ST18: variants seen among roughly 807,000 people sequenced by gnomAD.
The protein encoded by ST18 is ST18 C2H2C-type zinc finger transcription factor.
Under a neutral mutation model 110.0 loss-of-function variants are expected in ST18, and 50 were observed. The observed-to-expected ratio is 0.45, with a 90% CI of 0.36 to 0.58. The LOEUF (loss-of-function observed/expected upper bound fraction) is 0.58, where lower values mean the gene tolerates loss of function less well. Among genes scored for constraint, ST18 ranks in the 20% least tolerant of loss-of-function variants. The probability of loss-of-function intolerance (pLI) is 0.00; values close to 1 mark genes in which losing one functional copy is unlikely to be tolerated. For synonymous variants in ST18, 461 were observed against 452.4 expected (o/e 1.02, Z -0.24); for missense variants, 1,306 against 1,280.1 (o/e 1.02, Z -0.31).
At position 52,344,259 on chromosome 8, in the gene ST18, C is replaced by T. The variant is rs369539573; in HGVS notation, c.-465+65069G>A. 4.3e-5 allele frequency among the ~76,000 whole-genome samples: 6 copies of T among 139,470 alleles called. No individual in the cohort carries two copies. In the South Asian group the frequency reaches 1.4e-3, roughly 33 times the overall value. 91.5% of individuals were successfully genotyped at this position (139,470 alleles called of 152,430 possible). On this transcript the variant is annotated intron_variant, in intron 2 of 25. Transcript: ENST00000689386. ...TATTATAAAAGAAGCCTTATTTTTT[C>T]AAAACTAATACAATGTGTGTATTAG... is the stretch of plus-strand genomic sequence containing the variant.
intron 2 of ST18, among the ~76,000 whole-genome samples, chr8:52,251,415 C>G (rs1263900419): frequency 6.6e-6 from 1 of 152,044 alleles, no homozygotes; most frequent in African/African-American, 2.4e-5. Flanking sequence ...CACACTGCCT[C>G]CCATATACAC....
chr8:52,189,794 T>C (rs2073855986), intron 8 of ST18, among the ~76,000 whole-genome samples: 1 of 152,168 alleles, frequency 6.6e-6, no homozygotes, highest in Non-Finnish European at 1.5e-5. Flanking sequence ...AGATCACAAA[T>C]GAAAACCTGT....
chr8:52,362,147 G>A (rs1020567500), intron 2 of ST18, among the ~76,000 whole-genome samples: 2 of 152,128 alleles, frequency 1.3e-5, no homozygotes, highest in African/African-American at 4.8e-5. Flanking sequence ...AGTCAATTCA[G>A]GTTAACCAAC....
intron 2 of ST18, among the ~76,000 whole-genome samples, chr8:52,333,867 G>C (rs1388172345): frequency 1.3e-5 from 2 of 152,124 alleles, no homozygotes; most frequent in African/African-American, 4.8e-5. Context: ...CAAGTTTATT[G>C]CTTTTATCAG....
chr8:52,174,724 T>C (rs2066236263), intron 9 of ST18, among the ~76,000 whole-genome samples: 1 of 152,190 alleles, frequency 6.6e-6, no homozygotes, highest in Non-Finnish European at 1.5e-5. Flanking sequence ...AAGAAAATAT[T>C]TATTAATTAT....
At chr8:52,220,025 C>T (rs2086026663) in intron 5 of ST18, among the ~76,000 whole-genome samples, 1 of 152,196 alleles carries the variant, frequency 6.6e-6, no homozygotes, top group Non-Finnish European at 1.5e-5. Context: ...TTCTATTAGT[C>T]ACTGTACCAC....
chr8:52,366,583 G>A (rs1350896973), intron 2 of ST18, among the ~76,000 whole-genome samples: 4 of 152,146 alleles, frequency 2.6e-5, no homozygotes, highest in Admixed American at 2.0e-4. Flanking sequence ...CACACAATGA[G>A]AGTTCACAGG....
At chr8:52,183,961 A>C (rs2070953737) in intron 8 of ST18, among the ~76,000 whole-genome samples, 1 of 152,212 alleles carries the variant, frequency 6.6e-6, no homozygotes, top group African/African-American at 2.4e-5. Flanking sequence ...AAGGCTTTAT[A>C]ATAAATATTA....
chr8:52,147,181 T>TTG (rs1231274772), intron 16 of ST18, among the ~76,000 whole-genome samples: 1 of 152,198 alleles, frequency 6.6e-6, no homozygotes, highest in Non-Finnish European at 1.5e-5. Context: ...GAATCCCATC[T>TTG]TGTGTGTGTG....
intron 23 of ST18, among the ~76,000 whole-genome samples, chr8:52,121,763 T>A (rs1193947645): frequency 6.6e-6 from 1 of 152,210 alleles, no homozygotes; most frequent in Non-Finnish European, 1.5e-5. Context: ...GCCCTGATGT[T>A]TACAGACATA....
intron 2 of ST18, among the ~76,000 whole-genome samples, chr8:52,265,970 G>C (rs919267715): frequency 6.6e-6 from 1 of 152,172 alleles, no homozygotes; most frequent in African/African-American, 2.4e-5. Flanking sequence ...AGGAGAGGAG[G>C]CTGAGCAGAA....
chr8:52,193,603 C>CACAA (rs10634562), intron 8 of ST18, among the ~76,000 whole-genome samples: 20,797 of 152,122 alleles, frequency 0.14, 2,944 homozygotes, highest in African/African-American at 0.37. Flanking sequence ...CTGCGTGATA[C>CACAA]ACAATCTGTA....
chr8:52,228,461 G>T (rs1478843146), intron 3 of ST18, among the ~76,000 whole-genome samples: 1 of 152,118 alleles, frequency 6.6e-6, no homozygotes, highest in East Asian at 1.9e-4. Context: ...AGCAACGTGT[G>T]TTCATATATT....
intron 2 of ST18, among the ~76,000 whole-genome samples, chr8:52,275,640 C>G (rs1181254460): frequency 1.3e-5 from 2 of 152,110 alleles, no homozygotes; most frequent in Non-Finnish European, 2.9e-5. Context: ...GCAGACATAT[C>G]TGTAAAATGA....
chr8:52,137,743 A>G, intron 17 of ST18: 2 of 407,318 alleles, frequency 4.9e-6, no homozygotes, highest in African/African-American at 4.0e-5. Flanking sequence ...GATTCCATTG[A>G]TGTGGGAAAG....
At chr8:52,332,897 C>T (rs1810267150) in intron 2 of ST18, among the ~76,000 whole-genome samples, 1 of 152,082 alleles carries the variant, frequency 6.6e-6, no homozygotes, top group Non-Finnish European at 1.5e-5. Context: ...TGGGTCCTGC[C>T]TATGCACAAG....
chr8:52,372,501 T>C (rs780337525), intron 2 of ST18, among the ~76,000 whole-genome samples: 3 of 152,238 alleles, frequency 2.0e-5, no homozygotes, highest in Non-Finnish European at 4.4e-5. Flanking sequence ...GTGCTAGGCC[T>C]TCACCACTTA....
At chr8:52,255,554 C>A (rs1477282678) in intron 2 of ST18, among the ~76,000 whole-genome samples, 1 of 152,106 alleles carries the variant, frequency 6.6e-6, no homozygotes, top group East Asian at 1.9e-4. Flanking sequence ...ACTTTTCATA[C>A]TAACCAATAT....
At chr8:52,292,264 C>T (rs2095567660) in intron 2 of ST18, among the ~76,000 whole-genome samples, 1 of 152,294 alleles carries the variant, frequency 6.6e-6, no homozygotes, top group South Asian at 2.1e-4. Context: ...AGTGTCTCTT[C>T]ACTTACACAC....
Sources: gnomAD v4.1 joint callset for allele counts (sites outside exome capture counted in the v4.1 genomes callset) on GRCh38, gnomAD v4.1.1 for gene constraint, MANE v1.5 for transcripts, NCBI Gene and HGNC (gene_info 2026-07-23, HGNC 2026-07-21) for gene names.